Variants in RCSD1 observed in about 807,000 individuals in gnomAD.
The protein encoded by RCSD1 is capZ-interacting protein.
Under a neutral mutation model 42.5 loss-of-function variants are expected in RCSD1, and 26 were observed. That is an observed-to-expected ratio of 0.61 (90% CI 0.45 to 0.85). RCSD1 has a LOEUF of 0.85. Ranked by LOEUF, RCSD1 falls within the 40% of genes least tolerant of loss-of-function variation. RCSD1 has a pLI of 0.00. For synonymous variants in RCSD1, 220 were observed against 212.2 expected (o/e 1.04, Z -0.32); for missense variants, 571 against 528.3 (o/e 1.08, Z -0.79).
Position 167,676,866 on chromosome 1 carries a change from G to A in RCSD1, c.7-7034G>A, listed in dbSNP as rs182380412. Among the ~76,000 whole-genome samples, 39 of 152,336 alleles carry A rather than the reference G, an allele frequency of 2.6e-4. No individual in the cohort carries two copies. In the East Asian group the frequency reaches 6.4e-3, roughly 25 times the overall value. On this transcript the variant is annotated intron_variant, in intron 1 of 6. Transcript: ENST00000367854. ...AGCTAAACCCTGTCCGTAATATTGG[G>A]TGACAATGCCAAGTCCTGGGAGCAA...
intron 4 of RCSD1, among the ~76,000 whole-genome samples, chr1:167,690,915 G>T (rs76411222): frequency 6.6e-6 from 1 of 152,088 alleles, no homozygotes; most frequent in African/African-American, 2.4e-5. Flanking sequence ...CTCACCTCCC[G>T]TGCCCAGGGC....
At chr1:167,689,815 TGTCG>T (rs1179078364) in intron 3 of RCSD1, among the ~76,000 whole-genome samples, 2 of 152,198 alleles carry the variant, frequency 1.3e-5, no homozygotes, top group African/African-American at 4.8e-5. Flanking sequence ...GTGTTAAGGA[TGTCG>T]GCGCTGACTT....
chr1:167,681,643 C>G (rs372927922), intron 1 of RCSD1, among the ~76,000 whole-genome samples: 1 of 152,170 alleles, frequency 6.6e-6, no homozygotes, highest in Non-Finnish European at 1.5e-5. Context: ...TGGAATTTAT[C>G]TTCCTGCTCC....
At chr1:167,689,836 T>C (rs1659332730) in intron 3 of RCSD1, among the ~76,000 whole-genome samples, 1 of 152,194 alleles carries the variant, frequency 6.6e-6, no homozygotes, top group African/African-American at 2.4e-5. Flanking sequence ...ACTTCTCTAA[T>C]TCTGATTTGA....
At chr1:167,630,594 G>C in intron 1 of RCSD1, 165 bp downstream of exon 1, 1 of 659,058 alleles carries the variant, frequency 1.5e-6, no homozygotes, top group Non-Finnish European at 2.3e-6. Context: ...GACCAACTCC[G>C]AAGGATCGTC....
intron 1 of RCSD1, among the ~76,000 whole-genome samples, chr1:167,660,826 C>G (rs1658525643): frequency 6.6e-6 from 1 of 152,204 alleles, no homozygotes; most frequent in Non-Finnish European, 1.5e-5. Flanking sequence ...CCTAACTGGT[C>G]TGTCAACTTC....
intron 1 of RCSD1, among the ~76,000 whole-genome samples, chr1:167,666,574 T>C (rs751499631): frequency 1.6e-4 from 25 of 152,160 alleles, no homozygotes; most frequent in Non-Finnish European, 2.8e-4. Flanking sequence ...TGAATTCTCA[T>C]GGGACCATGA....
At chr1:167,658,052 C>T (rs547122811) in intron 1 of RCSD1, among the ~76,000 whole-genome samples, 52 of 152,080 alleles carry the variant, frequency 3.4e-4, no homozygotes, top group Non-Finnish European at 5.0e-4. Flanking sequence ...CTCAGTCTCT[C>T]GAGTAACTGG....
chr1:167,694,211 C>T lies in RCSD1; in HGVS notation c.383C>T (p.Pro128Leu), dbSNP rs751462486. ...AGCCCACCTTCTACCCCCAGCAGCC[C>T]TGGTGTGCGATCTAGGCCCAGCGAG... is the stretch of plus-strand genomic sequence containing the variant. ...FHSPPSTPSSPGVRSRPSEAE... is the reference protein window; with the variant it reads ...FHSPPSTPSSLGVRSRPSEAE... The change falls in exon 5 of 7, where the codon CCT becomes CTT. Residue 128 changes from proline (P) to leucine (L), a missense_variant. Physicochemically the swap from Pro to Leu is moderately conservative, Grantham distance 98 (BLOSUM62 -3). Coordinates refer to ENST00000367854, the MANE Select transcript of RCSD1 (RefSeq NM_052862.4). 5.0e-6 allele frequency: 8 copies of T among 1,614,094 alleles called. No individual in the cohort carries two copies. The East Asian group carries it at 1.6e-4, about 31-fold the overall frequency.
intron 6 of RCSD1, among the ~76,000 whole-genome samples, chr1:167,701,912 A>AT (rs1659654323): frequency 1.3e-5 from 2 of 152,316 alleles, no homozygotes; most frequent in South Asian, 4.1e-4. Flanking sequence ...TCAGGCACCC[A>AT]TGTCTGTCCC....
At chr1:167,688,744 C>T (rs1659302016) in intron 3 of RCSD1, among the ~76,000 whole-genome samples, 1 of 152,220 alleles carries the variant, frequency 6.6e-6, no homozygotes, top group Non-Finnish European at 1.5e-5. Context: ...ATAAATATCT[C>T]AGAATCTTCC....
chr1:167,701,252 G>GTTTGTTTCTTTCTTTCTTTC (rs1276194168), intron 6 of RCSD1, among the ~76,000 whole-genome samples: 2 of 96,072 alleles, frequency 2.1e-5, no homozygotes, highest in Admixed American at 1.2e-4. Context: ...CAATTGCCTA[G>GTTTGTTTCTTTCTTTCTTTC]TTTCTTTCTT....
intron 1 of RCSD1, among the ~76,000 whole-genome samples, chr1:167,669,707 T>C (rs986223183): frequency 1.3e-5 from 2 of 152,210 alleles, no homozygotes; most frequent in African/African-American, 2.4e-5. Flanking sequence ...ACAAGTCAAA[T>C]GCAAAAATTT....
At chr1:167,691,529 C>T (rs1377614246) in intron 4 of RCSD1, among the ~76,000 whole-genome samples, 1 of 152,212 alleles carries the variant, frequency 6.6e-6, no homozygotes, top group African/African-American at 2.4e-5. Flanking sequence ...TGTCCAGCCA[C>T]CCAGGAGAAG....
chr1:167,685,621 G>A, intron 3 of RCSD1, 111 bp downstream of exon 3: 1 of 792,490 alleles, frequency 1.3e-6, no homozygotes, highest in Non-Finnish European at 2.1e-6. Context: ...CTCAGACTCT[G>A]TGCAGGGAAT....
At chr1:167,668,424 C>G (rs983872533) in intron 1 of RCSD1, among the ~76,000 whole-genome samples, 10 of 152,140 alleles carry the variant, frequency 6.6e-5, no homozygotes, top group African/African-American at 2.4e-4. Flanking sequence ...CTGACTAACC[C>G]TCCTTACCCC....
Position 167,707,383 on chromosome 1 carries a change from G to A in RCSD1, c.*2687G>A, listed in dbSNP as rs552326827. On this transcript the variant is annotated 3_prime_UTR_variant, in exon 7 of 7. Coordinates refer to ENST00000367854, the MANE Select transcript of RCSD1 (RefSeq NM_052862.4). ...AGGGATGTGTTTAGTACAGCTGAATGAACAAGTTCACCCAGCTGCTGGTGA... is the reference window on the plus strand; with the variant it reads ...AGGGATGTGTTTAGTACAGCTGAATAAACAAGTTCACCCAGCTGCTGGTGA... Among the ~76,000 whole-genome samples the A allele has an allele frequency of 6.6e-6, 1 of 152,298 alleles. No homozygotes were observed. The highest frequency in any genetic ancestry group is 2.4e-5 in the African/African-American group (1 of 41,570).
chr1:167,662,643 G>C (rs1658565486), intron 1 of RCSD1, among the ~76,000 whole-genome samples: 1 of 152,076 alleles, frequency 6.6e-6, no homozygotes, highest in East Asian at 1.9e-4. Context: ...TTGCTAATTT[G>C]GAATAAAAGG....
In RCSD1 at chr1:167,705,503, T is replaced by G. The variant is rs1005605164; in HGVS notation, c.*807T>G. 1 of 152,084 alleles carries G rather than the reference T, an allele frequency of 6.6e-6. No individual in the cohort carries two copies. The highest frequency in any genetic ancestry group is 1.9e-4 in the East Asian group (1 of 5,192). The allele number at this position is 152,084 out of a possible 1,614,324, so 9.4% of individuals were successfully genotyped here. ...AGGAGGTTTCATGTCCCGCGTTGCA[T>G]CTCCTCCTGAAAGAAAAGCAGTGAT... On this transcript the variant is annotated 3_prime_UTR_variant, in exon 7 of 7. Transcript: ENST00000367854.
Sources: allele counts gnomAD v4.1 joint callset (sites outside exome capture counted in the v4.1 genomes callset), GRCh38; gene constraint gnomAD v4.1.1; transcripts MANE v1.5; gene names NCBI Gene and HGNC (gene_info 2026-07-23, HGNC 2026-07-21).